Variants in DKK2 observed in about 807,000 individuals in gnomAD.
DKK2 encodes the protein dickkopf Wnt signaling pathway inhibitor 2, also known as dickkopf-related protein 2.
A neutral mutation model predicts 28.1 loss-of-function variants in DKK2; 11 were observed. The observed-to-expected ratio is 0.39, with a 90% CI of 0.25 to 0.65. DKK2 has a LOEUF of 0.65. Ranked by LOEUF, DKK2 falls within the 30% of genes least tolerant of loss-of-function variation. The probability of loss-of-function intolerance (pLI) is 0.47; values close to 1 mark genes in which losing one functional copy is unlikely to be tolerated. For synonymous variants in DKK2, 135 were observed against 126.5 expected, an observed-to-expected ratio of 1.07 and a Z score of -0.45; for missense variants, 326 against 335.5, an observed-to-expected ratio of 0.97 and a Z score of 0.22.
Position 106,923,846 on chromosome 4 carries a change from T to G in DKK2, c.*108A>C, listed in dbSNP as rs1210453663. ...GTGATCATCTATATTCTTATCACGTTTCTTATTTTAGCCATTCTTCTGCAT... is the reference window on the plus strand; with the variant it reads ...GTGATCATCTATATTCTTATCACGTGTCTTATTTTAGCCATTCTTCTGCAT... On this transcript the variant is annotated 3_prime_UTR_variant, in exon 4 of 4. Transcript: ENST00000285311. The G allele has an allele frequency of 1.4e-6, 2 of 1,430,266 alleles. No homozygotes were observed. Among genetic ancestry groups the G allele is most frequent in the Non-Finnish European group, 1.9e-6 (2 of 1,050,296 alleles). The allele number at this position is 1,430,266 out of a possible 1,614,324, so 88.6% of individuals were successfully genotyped here. A position where few individuals can be genotyped will look rare whatever the true frequency, so the allele number is the denominator to read the frequency against.
At chr4:107,001,781 C>A (rs1337649201) in intron 1 of DKK2, among the ~76,000 whole-genome samples, 1 of 152,062 alleles carries the variant, frequency 6.6e-6, no homozygotes, top group South Asian at 2.1e-4. Context: ...TATATTTTAA[C>A]CTAAAAGAAT....
At chr4:106,972,370 G>A (rs1352774002) in intron 1 of DKK2, among the ~76,000 whole-genome samples, 1 of 150,976 alleles carries the variant, frequency 6.6e-6, no homozygotes, top group Admixed American at 6.6e-5. Flanking sequence ...AATCAAAGAA[G>A]CAGAGAGTCT....
At chr4:106,924,433 AG>A in intron 3 of DKK2, 111 bp downstream of exon 3, 1 of 1,365,862 alleles carries the variant, frequency 7.3e-7, no homozygotes, top group African/African-American at 1.5e-5. Flanking sequence ...ATGACTAGCT[AG>A]GATTAAAGAA....
chr4:107,031,218 G>A (rs1288280925), intron 1 of DKK2, among the ~76,000 whole-genome samples: 1 of 151,752 alleles, frequency 6.6e-6, no homozygotes, highest in African/African-American at 2.4e-5. Flanking sequence ...TTTCCTGATT[G>A]TGTTTAGTGT....
intron 1 of DKK2, among the ~76,000 whole-genome samples, chr4:106,961,861 A>G (rs1021730027): frequency 2.0e-5 from 3 of 152,200 alleles, no homozygotes; most frequent in Non-Finnish European, 2.9e-5. Flanking sequence ...AGAATGATGT[A>G]TTATGACATA....
intron 1 of DKK2, among the ~76,000 whole-genome samples, chr4:106,966,160 A>T (rs940490344): frequency 6.6e-6 from 1 of 152,170 alleles, no homozygotes; most frequent in Admixed American, 6.6e-5. Context: ...TTGCAAATTA[A>T]CTTAGGCTTG....
At chr4:106,974,499 G>T (rs2110355464) in intron 1 of DKK2, among the ~76,000 whole-genome samples, 1 of 151,996 alleles carries the variant, frequency 6.6e-6, no homozygotes, top group Non-Finnish European at 1.5e-5. Context: ...TTCTCTTCAT[G>T]GCAATTGTGA....
intron 1 of DKK2, among the ~76,000 whole-genome samples, chr4:107,028,966 C>T (rs1723834764): frequency 6.6e-6 from 1 of 151,964 alleles, no homozygotes; most frequent in South Asian, 2.1e-4. Context: ...TGGGGTGACA[C>T]TATAATTTAT....
chr4:106,945,452 AATAGT>A (rs1227010220), intron 1 of DKK2, among the ~76,000 whole-genome samples: 1 of 152,146 alleles, frequency 6.6e-6, no homozygotes, highest in Non-Finnish European at 1.5e-5. Context: ...AATAATAATT[AATAGT>A]AATATTAAAC....
chr4:106,959,600 G>C (rs1722656606), intron 1 of DKK2, among the ~76,000 whole-genome samples: 1 of 152,010 alleles, frequency 6.6e-6, no homozygotes, highest in Non-Finnish European at 1.5e-5. Flanking sequence ...ACAGAATGGT[G>C]TGATTTTAAT....
rs147176797 is a variant in DKK2, at chr4:106,955,323, G to A, written c.223-29374C>T. The stretch of plus-strand genomic sequence containing the variant: ...CTTCTTTAGAAGTTGGAAAGGTAAA[G>A]CATCTTTACAGCTAACAATTTCTGA... On this transcript the variant is annotated intron_variant, in intron 1 of 3. Transcript: ENST00000285311. 1.9e-3 allele frequency among the ~76,000 whole-genome samples: 293 copies of A among 152,196 alleles called. 3 individuals carry two copies. The highest frequency in any genetic ancestry group is 6.8e-3 in the Middle Eastern group (2 of 294).
intron 1 of DKK2, among the ~76,000 whole-genome samples, chr4:106,956,438 C>T (rs1040285897): frequency 4.7e-4 from 72 of 152,242 alleles, no homozygotes; most frequent in African/African-American, 1.4e-3. Context: ...GAGCCTGCAT[C>T]GCCAAGTCAA....
intron 1 of DKK2, among the ~76,000 whole-genome samples, chr4:106,942,839 T>C (rs111568449): frequency 8.5e-5 from 13 of 152,118 alleles, no homozygotes; most frequent in African/African-American, 3.1e-4. Context: ...ATATAAAATC[T>C]TGCCTGGTGT....
At chr4:107,004,179 C>T (rs191653646) in intron 1 of DKK2, among the ~76,000 whole-genome samples, 2 of 152,168 alleles carry the variant, frequency 1.3e-5, no homozygotes, top group East Asian at 3.9e-4. Flanking sequence ...TATGAATATG[C>T]TAGCATTACT....
chr4:106,975,579 G>A (rs1474936005), intron 1 of DKK2, among the ~76,000 whole-genome samples: 3 of 152,012 alleles, frequency 2.0e-5, no homozygotes, highest in Admixed American at 6.6e-5. Context: ...TGGGATCAGC[G>A]GTGACATCCC....
intron 1 of DKK2, among the ~76,000 whole-genome samples, chr4:106,943,398 G>T (rs971323208): frequency 6.6e-6 from 1 of 152,046 alleles, no homozygotes; most frequent in East Asian, 1.9e-4. Flanking sequence ...TTGCAACAGT[G>T]GTTGGAAGTT....
intron 1 of DKK2, among the ~76,000 whole-genome samples, chr4:107,002,950 C>T (rs1723383984): frequency 6.6e-6 from 1 of 152,096 alleles, no homozygotes; most frequent in Non-Finnish European, 1.5e-5. Flanking sequence ...CTTAATATAG[C>T]ATTAGGTAAT....
intron 1 of DKK2, among the ~76,000 whole-genome samples, chr4:106,983,111 T>A (rs1723051161): frequency 6.6e-6 from 1 of 150,736 alleles, no homozygotes; most frequent in South Asian, 2.1e-4. Flanking sequence ...TTTTTAGAAA[T>A]CAGAAATTAT....
At chr4:106,938,389 G>A (rs1273493943) in intron 1 of DKK2, among the ~76,000 whole-genome samples, 6 of 152,020 alleles carry the variant, frequency 3.9e-5, no homozygotes. Flanking sequence ...TAAATTCCTC[G>A]ACACCTACAC....
Sources: gnomAD v4.1 joint callset for allele counts (sites outside exome capture counted in the v4.1 genomes callset) on GRCh38, gnomAD v4.1.1 for gene constraint, MANE v1.5 for transcripts, NCBI Gene and HGNC (gene_info 2026-07-23, HGNC 2026-07-21) for gene names.